The following COL5A1 variants were observed in gnomAD, a reference collection of about 807,000 sequenced individuals.
COL5A1 encodes collagen alpha-1(V) chain.
A neutral mutation model predicts 263.7 loss-of-function variants in COL5A1; 16 were observed. That is an observed-to-expected ratio of 0.06 (90% CI 0.04 to 0.09). COL5A1 has a LOEUF of 0.09. COL5A1 is among the 10% of genes least tolerant of loss of function. The probability of loss-of-function intolerance (pLI) is 1.00; values close to 1 mark genes in which losing one functional copy is unlikely to be tolerated. For missense variants in COL5A1, 2,036 were observed against 2,540.5 expected (o/e 0.80, Z 4.27); for synonymous variants, 1,012 against 1,004.5 (o/e 1.01, Z -0.14).
Position 134,742,684 on chromosome 9 carries a change from C to T in COL5A1, c.1494+3876C>T, listed in dbSNP as rs1835343872. 6.6e-6 allele frequency among the ~76,000 whole-genome samples: 1 copy of T among 152,188 alleles called. No homozygotes were observed. Among genetic ancestry groups the T allele is most frequent in the Admixed American group, 6.5e-5 (1 of 15,286 alleles). On this transcript the variant is annotated intron_variant, in intron 11 of 65. Transcript: ENST00000371817. The surrounding 1 kb of genome is among the most constrained non-coding windows in gnomAD (Gnocchi z 4.6). ...TGGCCTGGGTTTCTTGTGGGTCTGG[C>T]TTCTGTGCCACCTGCCAGTGCGTTT...
At chr9:134,725,740 G>T (rs368034779) in intron 4 of COL5A1, among the ~76,000 whole-genome samples, 1 of 152,300 alleles carries the variant, frequency 6.6e-6, no homozygotes, top group East Asian at 1.9e-4. Context: ...AAGTTCAGTT[G>T]TTAGCAGTGT....
intron 1 of COL5A1, among the ~76,000 whole-genome samples, chr9:134,663,113 C>T (rs893696866): frequency 2.0e-5 from 3 of 152,240 alleles, no homozygotes; most frequent in Admixed American, 6.5e-5. Flanking sequence ...TCGACGTTTC[C>T]TGAACAACTG....
Position 134,752,074 on chromosome 9 carries a change from A to G in COL5A1, c.1663-515A>G, listed in dbSNP as rs569122240. 6.1e-4 allele frequency among the ~76,000 whole-genome samples: 93 copies of G among 152,326 alleles called. 1 individual carries two copies. The highest frequency in any genetic ancestry group is 3.4e-3 in the Middle Eastern group (1 of 294). On this transcript the variant is annotated intron_variant, in intron 13 of 65. Coordinates refer to ENST00000371817, the MANE Select transcript of COL5A1 (RefSeq NM_000093.5). The stretch of plus-strand genomic sequence containing the variant: ...TCTGTGGGAAAGCGGTGGGCCCTGC[A>G]CTGGTGCAGGTGGGGGCCACATGCA...
intron 1 of COL5A1, among the ~76,000 whole-genome samples, chr9:134,645,262 G>A (rs529515948): frequency 2.1e-4 from 32 of 152,294 alleles, no homozygotes; most frequent in South Asian, 1.0e-3. Context: ...ACTCCCCACC[G>A]CCACGCCTCA....
intron 1 of COL5A1, among the ~76,000 whole-genome samples, chr9:134,645,872 A>G (rs530570869): frequency 2.8e-4 from 43 of 152,300 alleles, no homozygotes; most frequent in African/African-American, 9.4e-4. Context: ...CAGTCCAAAC[A>G]GGGTCCTGGG....
In COL5A1 at chr9:134,767,012, G is replaced by A. The variant is rs750450695; in HGVS notation, c.2146G>A (p.Glu716Lys). 6.8e-6 allele frequency: 11 copies of A among 1,613,666 alleles called. No individual in the cohort carries two copies. Among genetic ancestry groups the A allele is most frequent in the African/African-American group, 2.7e-5 (2 of 74,932 alleles). ...GPKGNVGPQGEPGPPGQQGNP... is the reference protein window; with the variant it reads ...GPKGNVGPQGKPGPPGQQGNP... The stretch of plus-strand genomic sequence containing the variant: ...TTGTCTCCTGTAGGGTCCCCAGGGA[G>A]AGCCTGGCCCCCCAGGACAGCAGGG... The change falls in exon 23 of 66, where the codon GAG becomes AAG. Residue 716 changes from glutamate (E) to lysine (K), a missense_variant. Physicochemically the swap from Glu to Lys is moderately conservative, Grantham distance 56. Around this residue, in one of 3 missense-constraint regions of COL5A1, gnomAD observed 1,078 missense variants for 1,521.4 expected, o/e 0.71. Coordinates refer to ENST00000371817, the MANE Select transcript of COL5A1 (RefSeq NM_000093.5).
At chr9:134,707,453 T>C (rs1389084321) in intron 4 of COL5A1, among the ~76,000 whole-genome samples, 2 of 152,138 alleles carry the variant, frequency 1.3e-5, no homozygotes, top group African/African-American at 2.4e-5. Context: ...TGACATGTTC[T>C]TTCTGGAATT....
At position 134,796,273 on chromosome 9, in the gene COL5A1, G is replaced by A. The variant is rs1837904725; in HGVS notation, c.2800-101G>A. The A allele has an allele frequency of 6.9e-6, 9 of 1,297,718 alleles. No homozygotes were observed. In the South Asian group the frequency reaches 1.1e-4, roughly 15 times the overall value. 80.4% of individuals were successfully genotyped at this position (1,297,718 alleles called of 1,614,324 possible). ...GGGCCACCTTCAGGGGTGCACACAG[G>A]CAATATTTGACTCAGACGTTTTGAT... On this transcript the variant is annotated intron_variant, in intron 34 of 65. Transcript: ENST00000371817.
chr9:134,806,562 C>T (rs538465140), intron 42 of COL5A1, among the ~76,000 whole-genome samples: 30 of 152,310 alleles, frequency 2.0e-4, no homozygotes, highest in African/African-American at 5.5e-4. Context: ...GATGTTGGGC[C>T]GGTCTCAGCC....
At position 134,842,562 on chromosome 9, in the gene COL5A1, C is replaced by A; in HGVS notation, c.*259C>A. ...GCCTGGGCCCGCCCCACGCTCTGTC[C>A]ACACCCACGCGCCCCGGGAGCGGGG... On this transcript the variant is annotated 3_prime_UTR_variant, in exon 66 of 66. Transcript: ENST00000371817. This position sits in a 1 kb window ranked among gnomAD's most constrained non-coding sequence, Gnocchi z 5.8. The A allele has an allele frequency of 1.7e-6, 1 of 581,654 alleles. No homozygotes were observed. Among genetic ancestry groups the A allele is most frequent in the South Asian group, 2.0e-5 (1 of 49,686 alleles). The allele number at this position is 581,654 out of a possible 1,614,324, so 36.0% of individuals were successfully genotyped here.
Position 134,652,805 on chromosome 9 carries a change from A to G in COL5A1, c.109+10509A>G. Reference sequence around the variant, plus strand: ...CTCATGGTGTAGACCAGCAGTTCCCAAACTTTACCAGGCCCCAGAATCCCC... The same window carrying G: ...CTCATGGTGTAGACCAGCAGTTCCCGAACTTTACCAGGCCCCAGAATCCCC... On this transcript the variant is annotated intron_variant, in intron 1 of 65. Coordinates refer to ENST00000371817, the MANE Select transcript of COL5A1 (RefSeq NM_000093.5). The surrounding 1 kb of genome is among the most constrained non-coding windows in gnomAD (Gnocchi z 4.4). The G allele has an allele frequency of 2.2e-6, 1 of 455,046 alleles. No homozygotes were observed. Among genetic ancestry groups the G allele is most frequent in the Non-Finnish European group, 4.6e-6 (1 of 216,654 alleles). 28.2% of individuals were successfully genotyped at this position (455,046 alleles called of 1,614,324 possible).
At chr9:134,768,244 G>A (rs1232177428) in intron 24 of COL5A1, among the ~76,000 whole-genome samples, 166 bp from the exon 25 acceptor site, 1 of 152,200 alleles carries the variant, frequency 6.6e-6, no homozygotes, top group African/African-American at 2.4e-5. Flanking sequence ...CCTCCTGGGC[G>A]CTACCGTGGC....
At chr9:134,773,622 C>T (rs72774442) in intron 26 of COL5A1, among the ~76,000 whole-genome samples, 3,743 of 152,318 alleles carry the variant, frequency 0.025, 47 homozygotes, top group East Asian at 0.04. Context: ...TAACATTTAT[C>T]TCTTGAAGCA....
intron 4 of COL5A1, among the ~76,000 whole-genome samples, chr9:134,715,291 C>T (rs1834221815): frequency 6.6e-6 from 1 of 152,158 alleles, no homozygotes; most frequent in Non-Finnish European, 1.5e-5. Flanking sequence ...AGTATGCCGC[C>T]AGCATGTCTC....
rs1012147227 is a variant in COL5A1, at chr9:134,652,974, C to T, written c.109+10678C>T. 1.3e-4 allele frequency: 36 copies of T among 281,704 alleles called. No individual in the cohort carries two copies. Among genetic ancestry groups the T allele is most frequent in the Non-Finnish European group, 2.2e-4 (30 of 139,256 alleles). The allele number at this position is 281,704 out of a possible 1,614,324, so 17.5% of individuals were successfully genotyped here. On this transcript the variant is annotated intron_variant, in intron 1 of 65. Coordinates refer to ENST00000371817, the MANE Select transcript of COL5A1 (RefSeq NM_000093.5). This position sits in a 1 kb window ranked among gnomAD's most constrained non-coding sequence, Gnocchi z 4.4. ...GTGCCACACTTTGCAAACCACGAGT[C>T]GTTCTGCGTCCTCGAGCCCAGGGTC...
At chr9:134,811,048 G>A (rs556346819) in intron 44 of COL5A1, among the ~76,000 whole-genome samples, 6 of 152,308 alleles carry the variant, frequency 3.9e-5, no homozygotes, top group South Asian at 2.1e-4. Flanking sequence ...GGGGCCTCAC[G>A]TGCCCCTGTT....
chr9:134,761,159 C>T, intron 18 of COL5A1, among the ~76,000 whole-genome samples: 1 of 144,432 alleles, frequency 6.9e-6, no homozygotes, highest in East Asian at 2.1e-4. Flanking sequence ...CACGCACACG[C>T]ATACACACCT....
chr9:134,819,119 CAA>C (rs1480760027), intron 57 of COL5A1, 66 bp downstream of exon 57: 18 of 1,496,442 alleles, frequency 1.2e-5, no homozygotes, highest in Non-Finnish European at 1.4e-5. Context: ...CCGTGGGTCT[CAA>C]ACTCAACAAG....
intron 19 of COL5A1, 139 bp downstream of exon 19, chr9:134,762,117 G>A: frequency 2.4e-6 from 2 of 832,650 alleles, no homozygotes; most frequent in Non-Finnish European, 4.1e-6. Flanking sequence ...AGGCAGATGG[G>A]GATTCCAGTG....
Sources: gnomAD v4.1 joint callset for allele counts (sites outside exome capture counted in the v4.1 genomes callset) on GRCh38, gnomAD v4.1.1 for gene constraint, gnomAD v4.1.1 regional missense constraint, Gnocchi (gnomAD v3.1) non-coding constraint, MANE v1.5 for transcripts, NCBI Gene and HGNC (gene_info 2026-07-23, HGNC 2026-07-21) for gene names.